TPR: variants seen among roughly 807,000 people sequenced by gnomAD.
The protein encoded by TPR is translocated promoter region, nuclear basket protein, also known as nucleoprotein TPR.
A neutral mutation model predicts 316.1 loss-of-function variants in TPR; 51 were observed. That is an observed-to-expected ratio of 0.16 (90% CI 0.13 to 0.20). The LOEUF (loss-of-function observed/expected upper bound fraction) is 0.20, where lower values mean the gene tolerates loss of function less well. Among genes scored for constraint, TPR ranks in the 10% least tolerant of loss-of-function variants. The pLI, the probability that TPR is intolerant of heterozygous loss-of-function variation, is 1.00. For synonymous variants in TPR, 981 were observed against 914.7 expected (o/e 1.07, Z -1.31); for missense variants, 2,272 against 2,754.8 (o/e 0.82, Z 3.92).
Position 186,352,101 on chromosome 1 carries a change from C to T in TPR, c.2344G>A (p.Glu782Lys). 1 of 1,600,130 alleles carries T rather than the reference C, an allele frequency of 6.2e-7. No individual in the cohort carries two copies. Among genetic ancestry groups the T allele is most frequent in the Non-Finnish European group, 8.5e-7 (1 of 1,175,982 alleles). Residue 782 changes from glutamate (E) to lysine (K), a missense_variant, in exon 19 of 51, where the codon GAA becomes AAA. By Grantham distance (56) the Glu-to-Lys change is moderately conservative. Around this residue, in one of 10 missense-constraint regions of TPR, gnomAD observed 757 missense variants for 859.8 expected, o/e 0.88. Transcript: ENST00000367478. ...EKLAVAEVRA[E>K]NLKKEKEMLK... ...ATTTCCTTTTCCTTCTTCAAATTTT[C>T]TGCTCTTACCTAAACATAAGTAGAA...
rs1024091426 is a variant in TPR at position 186,339,203 on chromosome 1, G to A, written c.4151+439C>T. 1.8e-4 allele frequency among the ~76,000 whole-genome samples: 28 copies of A among 152,262 alleles called. No individual in the cohort carries two copies. In the South Asian group the frequency reaches 5.6e-3, roughly 30 times the overall value. On this transcript the variant is annotated intron_variant, in intron 30 of 50. Transcript: ENST00000367478. The stretch of plus-strand genomic sequence containing the variant: ...CCAGCACTTAGGGAGGCAGAAGTGG[G>A]AGGACAGCTTGAGCCCAGGAGTTTG...
intron 3 of TPR, among the ~76,000 whole-genome samples, chr1:186,369,936 G>A (rs1288250266): frequency 6.6e-6 from 1 of 151,664 alleles, no homozygotes; most frequent in African/African-American, 2.4e-5. Flanking sequence ...GTGACTGTGT[G>A]CACACTATTT....
rs562024538 is a variant in TPR, at chr1:186,373,322, C to A, written c.256+37G>T. ...AAAGGAGTCTCTGAAGATTTCGATA[C>A]TCCGAGAATACTTACAAAGATGAAT... is the stretch of plus-strand genomic sequence containing the variant. On this transcript the variant is annotated intron_variant, in intron 2 of 50. Coordinates refer to ENST00000367478, the MANE Select transcript of TPR (RefSeq NM_003292.3). The A allele has an allele frequency of 1.9e-5, 28 of 1,495,074 alleles. 1 individual carries two copies. In the South Asian group the frequency reaches 3.3e-4, roughly 17 times the overall value. 92.6% of individuals were successfully genotyped at this position (1,495,074 alleles called of 1,614,324 possible). A position where few individuals can be genotyped will look rare whatever the true frequency, so the allele number is the denominator to read the frequency against.
chr1:186,312,530 A>G lies in TPR; in HGVS notation c.*1441T>C, dbSNP rs1012215655. 6.0e-6 allele frequency: 5 copies of G among 828,900 alleles called. No individual in the cohort carries two copies. In the Admixed American group the frequency reaches 1.4e-4, roughly 23 times the overall value. The allele number at this position is 828,900 out of a possible 1,614,324, so 51.3% of individuals were successfully genotyped here. On this transcript the variant is annotated 3_prime_UTR_variant, in exon 51 of 51. Coordinates refer to ENST00000367478, the MANE Select transcript of TPR (RefSeq NM_003292.3). ...CATCCACTTGCCTTAGTGAATAACC[A>G]AAGACCAATACTTTCTTTTTCCTTG...
At chr1:186,366,887 TACC>T (rs1464650296) in intron 4 of TPR, among the ~76,000 whole-genome samples, 1 of 151,898 alleles carries the variant, frequency 6.6e-6, no homozygotes, top group East Asian at 1.9e-4. Flanking sequence ...TAGTTGTAAC[TACC>T]ACTTGTTGAT....
intron 2 of TPR, among the ~76,000 whole-genome samples, chr1:186,372,125 A>G (rs995703103): frequency 2.0e-5 from 3 of 152,262 alleles, no homozygotes; most frequent in South Asian, 2.1e-4. Flanking sequence ...AGTAGCTGAA[A>G]AAAGTTATAA....
chr1:186,322,742 CT>C, intron 43 of TPR, 156 bp from the exon 44 acceptor site: 1 of 691,908 alleles, frequency 1.4e-6, no homozygotes, highest in South Asian at 1.9e-5. Flanking sequence ...CAAGAAATCA[CT>C]TTTGTCAATG....
At chr1:186,321,813 C>G (rs536602531) in intron 45 of TPR, among the ~76,000 whole-genome samples, 1 of 152,270 alleles carries the variant, frequency 6.6e-6, no homozygotes, top group East Asian at 1.9e-4. Context: ...CACAAGAATA[C>G]TATAAATTAT....
At chr1:186,344,804 TAAG>T (rs1658627063) in intron 24 of TPR, among the ~76,000 whole-genome samples, 1 of 152,220 alleles carries the variant, frequency 6.6e-6, no homozygotes, top group Admixed American at 6.5e-5. Flanking sequence ...CTTTTTGATA[TAAG>T]AAGCTAAACA....
At chr1:186,314,511 A>G (rs1657527299) in intron 50 of TPR, 118 bp downstream of exon 50, 3 of 692,578 alleles carry the variant, frequency 4.3e-6, no homozygotes, top group Non-Finnish European at 6.7e-6. Flanking sequence ...ACATGTAATT[A>G]TTTAATAAAA....
In TPR at chr1:186,311,669, C is replaced by T; in HGVS notation, c.*2302G>A. 6.9e-7 allele frequency: 1 copy of T among 1,443,390 alleles called. No homozygotes were observed. The highest frequency in any genetic ancestry group is 1.2e-5 in the South Asian group (1 of 85,894). The allele number at this position is 1,443,390 out of a possible 1,614,324, so 89.4% of individuals were successfully genotyped here. A position where few individuals can be genotyped will look rare whatever the true frequency, so the allele number is the denominator to read the frequency against. On this transcript the variant is annotated 3_prime_UTR_variant, in exon 51 of 51. Transcript: ENST00000367478. ...ACTCAGCATTTTCATTTATTATTGA[C>T]TTTACTGTCAAAAGATATCTTTAAT... is the stretch of plus-strand genomic sequence containing the variant.
In TPR at chr1:186,346,128, T is replaced by A. The variant is rs367632672; in HGVS notation, c.3096+7A>T. 2 of 1,596,316 alleles carry A rather than the reference T, an allele frequency of 1.3e-6. No homozygotes were observed. Among genetic ancestry groups the A allele is most frequent in the African/African-American group, 2.7e-5 (2 of 73,786 alleles). ...AAAAAAAAAATTAATACGGTTAACC[T>A]ATTTACCTGTTGTTCCATGCTCTCT... On this transcript the variant is annotated splice_region_variant and intron_variant, in intron 23 of 50. Transcript: ENST00000367478.
rs186787840 is a variant in TPR, at chr1:186,344,655, C to T, written c.3214-77G>A. 5 of 1,113,172 alleles carry T rather than the reference C, an allele frequency of 4.5e-6. No homozygotes were observed. In the African/African-American group the frequency reaches 6.4e-5, roughly 14 times the overall value. The allele number at this position is 1,113,172 out of a possible 1,614,324, so 69.0% of individuals were successfully genotyped here. A position where few individuals can be genotyped will look rare whatever the true frequency, so the allele number is the denominator to read the frequency against. On this transcript the variant is annotated intron_variant, in intron 24 of 50. Transcript: ENST00000367478. Reference sequence around the variant, plus strand: ...TAGTTAGCACTTGTCCAAAGATACACATTGGACTTTTTAAATAATAAAAGT... The same window carrying T: ...TAGTTAGCACTTGTCCAAAGATACATATTGGACTTTTTAAATAATAAAAGT...
intron 39 of TPR, among the ~76,000 whole-genome samples, chr1:186,329,340 TAA>T (rs1658088965): frequency 6.6e-6 from 1 of 152,214 alleles, no homozygotes; most frequent in Non-Finnish European, 1.5e-5. Flanking sequence ...ACGCTCTGAA[TAA>T]GTTATTTAAA....
Position 186,353,822 on chromosome 1 carries a change from C to T in TPR, c.2200G>A (p.Gly734Arg). The T allele has an allele frequency of 6.2e-7, 1 of 1,613,728 alleles. No individual in the cohort carries two copies. Among genetic ancestry groups the T allele is most frequent in the Non-Finnish European group, 8.5e-7 (1 of 1,179,938 alleles). The change falls in exon 18 of 51, where the codon GGA becomes AGA. Residue 734 changes from glycine (G) to arginine (R), a missense_variant. This residue lies in a region of TPR where 757 missense variants were observed against 859.8 expected (regional missense o/e 0.88). Transcript: ENST00000367478. ...AGTGATGTTATTTCTCGACGATATC[C>T]TTCAACATTATCTTGCAGCATTTCA... Reference protein sequence around the residue: ...RYEMLQDNVEGYRREITSLHE... With the variant: ...RYEMLQDNVERYRREITSLHE...
chr1:186,343,371 C>A lies in TPR; in HGVS notation c.3705G>T (p.Leu1235=). The change falls in exon 27 of 51, where the codon CTG becomes CTT. Residue 1235 remains leucine (L), a synonymous_variant. Transcript: ENST00000367478. ...RQRVELLERE[L]QELQDSLNAE... Reference sequence around the variant, plus strand: ...CATTTAGACTATCTTGCAGTTCCTGCAGCTCTCTTTCTAAAAGTTCAACCC... The same window carrying A: ...CATTTAGACTATCTTGCAGTTCCTGAAGCTCTCTTTCTAAAAGTTCAACCC... 7 of 1,614,054 alleles carry A rather than the reference C, an allele frequency of 4.3e-6. No individual in the cohort carries two copies. Among genetic ancestry groups the A allele is most frequent in the East Asian group, 2.2e-5 (1 of 44,864 alleles).
In TPR at chr1:186,359,827, A is replaced by G; in HGVS notation, c.1361T>C (p.Leu454Ser). 1 of 1,588,060 alleles carries G rather than the reference A, an allele frequency of 6.3e-7. No individual in the cohort carries two copies. The change falls in exon 12 of 51, where the codon TTA (leucine) becomes TCA (serine). Residue 454 changes from leucine (L) to serine (S), a missense_variant. Physicochemically the swap from Leu to Ser is moderately radical, Grantham distance 145. Around this residue, in one of 10 missense-constraint regions of TPR, gnomAD observed 549 missense variants for 598.6 expected, o/e 0.92. Coordinates refer to ENST00000367478, the MANE Select transcript of TPR (RefSeq NM_003292.3). ...YERAQKAVAS[L>S]SVKLEQAMKE... The stretch of plus-strand genomic sequence containing the variant: ...CATAGCTTGTTCAAGCTTAACAGAT[A>G]AACTTGCTACAGCTTTCTGTGCACG...
intron 4 of TPR, among the ~76,000 whole-genome samples, chr1:186,365,715 T>C (rs576138174): frequency 1.3e-5 from 2 of 152,340 alleles, no homozygotes; most frequent in South Asian, 4.1e-4. Flanking sequence ...AAATAATAAA[T>C]TCCTGTTGGA....
chr1:186,375,233 C>G lies in TPR; in HGVS notation c.-205G>C. On this transcript the variant is annotated 5_prime_UTR_variant, in exon 1 of 51. Coordinates refer to ENST00000367478, the MANE Select transcript of TPR (RefSeq NM_003292.3). ...CAGCGGCAGCGTTTCAGCAACAGCA[C>G]CTCACCGCCCGCGACCGAAGTGCGC... is the stretch of plus-strand genomic sequence containing the variant. 6.8e-7 allele frequency: 1 copy of G among 1,460,428 alleles called. No homozygotes were observed. The highest frequency in any genetic ancestry group is 1.4e-5 in the African/African-American group (1 of 70,146). 90.5% of individuals were successfully genotyped at this position (1,460,428 alleles called of 1,614,324 possible). A position where few individuals can be genotyped will look rare whatever the true frequency, so the allele number is the denominator to read the frequency against.
Sources: gnomAD v4.1 joint callset for allele counts (sites outside exome capture counted in the v4.1 genomes callset) on GRCh38, gnomAD v4.1.1 for gene constraint, gnomAD v4.1.1 regional missense constraint, MANE v1.5 for transcripts, NCBI Gene and HGNC (gene_info 2026-07-23, HGNC 2026-07-21) for gene names.